SOX5: variants seen among roughly 807,000 people sequenced by gnomAD.
The protein encoded by SOX5 is SRY-box transcription factor 5.
SOX5 carries 9 observed loss-of-function variants against 92.0 expected under a neutral mutation model. The ratio of observed to expected loss-of-function variants is 0.10; its 90% CI spans 0.06 to 0.17. The LOEUF is 0.17. Among genes scored for constraint, SOX5 ranks in the 10% least tolerant of loss-of-function variants. The pLI, the probability that SOX5 is intolerant of heterozygous loss-of-function variation, is 1.00. For synonymous variants in SOX5, 344 were observed against 336.3 expected, an observed-to-expected ratio of 1.02 and a Z score of -0.25; for missense variants, 642 against 944.5, an observed-to-expected ratio of 0.68 and a Z score of 4.20.
At chr12:23,651,384 A>C (rs1223033749) in intron 7 of SOX5, among the ~76,000 whole-genome samples, 1 of 152,060 alleles carries the variant, frequency 6.6e-6, no homozygotes, top group Non-Finnish European at 1.5e-5. Flanking sequence ...TAATAAGGAA[A>C]ACATTATTGC....
chr12:24,093,867 C>G (rs1056530797), intron 4 of SOX5, among the ~76,000 whole-genome samples: 2 of 152,128 alleles, frequency 1.3e-5, no homozygotes, highest in African/African-American at 4.8e-5. Context: ...TCTTGCTGCT[C>G]TTCACATTCA....
At chr12:24,311,368 C>A (rs1041454037) in intron 2 of SOX5, among the ~76,000 whole-genome samples, 1 of 152,012 alleles carries the variant, frequency 6.6e-6, no homozygotes, top group African/African-American at 2.4e-5. Context: ...TTATGTTTTT[C>A]TTTCATTAAT....
chr12:23,674,672 T>C (rs1282406019), intron 6 of SOX5, among the ~76,000 whole-genome samples: 1 of 152,106 alleles, frequency 6.6e-6, no homozygotes, highest in Non-Finnish European at 1.5e-5. Context: ...AAAATTCTAT[T>C]ATGTCTTAAG....
intron 1 of SOX5, among the ~76,000 whole-genome samples, chr12:24,375,163 C>T (rs1164357250): frequency 6.6e-6 from 1 of 151,444 alleles, no homozygotes; most frequent in African/African-American, 2.4e-5. Flanking sequence ...TTAGTAGAGA[C>T]GGGGTTTCAC....
rs1186871008 is a variant in SOX5 at position 23,895,835 on chromosome 12, C to A, written c.228G>T (p.Glu76Asp). 17 of 1,613,990 alleles carry A rather than the reference C, an allele frequency of 1.1e-5. No homozygotes were observed. Among genetic ancestry groups the A allele is most frequent in the Non-Finnish European group, 1.4e-5 (16 of 1,179,982 alleles). Reference sequence around the variant, plus strand: ...AAGTGGGAGTCCTATGGCCACAAGTCTCTTGCGTCAGCAGAGAAACTGGCT... The same window carrying A: ...AAGTGGGAGTCCTATGGCCACAAGTATCTTGCGTCAGCAGAGAAACTGGCT... ...EFQPVSLLTQ[E>D]TCGHRTPTSQ... The change falls in exon 2 of 15, where the codon GAG becomes GAT. Residue 76 changes from glutamate to aspartate, a missense_variant. Transcript: ENST00000451604.
intron 4 of SOX5, among the ~76,000 whole-genome samples, chr12:24,197,981 G>A (rs1210938565): frequency 6.6e-6 from 1 of 152,120 alleles, no homozygotes; most frequent in Non-Finnish European, 1.5e-5. Flanking sequence ...GTAAAATGAG[G>A]ATAATAGTGA....
At chr12:24,111,685 A>T (rs1170851285) in intron 4 of SOX5, among the ~76,000 whole-genome samples, 1 of 152,078 alleles carries the variant, frequency 6.6e-6, no homozygotes, top group African/African-American at 2.4e-5. Flanking sequence ...TTAAAAAAAG[A>T]TTTTTCGTCA....
chr12:23,761,912 A>C (rs2094572707), intron 3 of SOX5, among the ~76,000 whole-genome samples: 1 of 152,134 alleles, frequency 6.6e-6, no homozygotes, highest in Non-Finnish European at 1.5e-5. Context: ...TAGTGCATTT[A>C]TTTAACCGAA....
At chr12:24,226,104 G>A (rs954727912) in intron 3 of SOX5, among the ~76,000 whole-genome samples, 8 of 152,024 alleles carry the variant, frequency 5.3e-5, no homozygotes, top group African/African-American at 1.9e-4. Flanking sequence ...TTCCATCCAA[G>A]TTAATATCTA....
At chr12:24,488,506 A>G (rs1468158807) in intron 1 of SOX5, among the ~76,000 whole-genome samples, 1 of 152,136 alleles carries the variant, frequency 6.6e-6, no homozygotes, top group Non-Finnish European at 1.5e-5. Context: ...AGATTGCTCA[A>G]ACCCAGGAGT....
chr12:23,704,153 T>C (rs748929077), intron 6 of SOX5, among the ~76,000 whole-genome samples: 2 of 151,980 alleles, frequency 1.3e-5, no homozygotes, highest in African/African-American at 2.4e-5. Flanking sequence ...CTCCAATGAC[T>C]CCTCCCCATC....
chr12:24,179,412 C>G (rs557064337), intron 4 of SOX5, among the ~76,000 whole-genome samples: 1 of 152,142 alleles, frequency 6.6e-6, no homozygotes, highest in Non-Finnish European at 1.5e-5. Context: ...GATCTTTTCC[C>G]AGGCTATCAA....
intron 2 of SOX5, among the ~76,000 whole-genome samples, chr12:24,305,152 T>C (rs954601008): frequency 6.6e-6 from 1 of 152,206 alleles, no homozygotes; most frequent in Non-Finnish European, 1.5e-5. Flanking sequence ...ATTATGCTAT[T>C]ATAGGATAAT....
intron 1 of SOX5, among the ~76,000 whole-genome samples, chr12:24,528,301 A>AT (rs977603720): frequency 2.1e-4 from 32 of 151,758 alleles, no homozygotes; most frequent in Middle Eastern, 3.5e-3. Context: ...ATAAACAGGA[A>AT]TTTTTTTTTC....
chr12:23,725,965 G>A (rs2093088184), intron 6 of SOX5, among the ~76,000 whole-genome samples: 1 of 152,116 alleles, frequency 6.6e-6, no homozygotes, highest in African/African-American at 2.4e-5. Context: ...AGCTATCCCA[G>A]TTTTCCCTTT....
At chr12:24,146,953 C>G (rs1951153291) in intron 4 of SOX5, among the ~76,000 whole-genome samples, 1 of 151,990 alleles carries the variant, frequency 6.6e-6, no homozygotes. Context: ...ACACAAATAG[C>G]TTCATGTCTA....
At chr12:23,572,736 T>C (rs1384653071) in intron 10 of SOX5, among the ~76,000 whole-genome samples, 1 of 152,236 alleles carries the variant, frequency 6.6e-6, no homozygotes, top group East Asian at 1.9e-4. Flanking sequence ...AAAATATTTT[T>C]TCTTTTACAT....
chr12:24,400,158 T>C (rs151202506), intron 1 of SOX5, among the ~76,000 whole-genome samples: 1 of 152,348 alleles, frequency 6.6e-6, no homozygotes, highest in East Asian at 1.9e-4. Flanking sequence ...TCATTAAGAC[T>C]TTAGAGGAAA....
intron 2 of SOX5, among the ~76,000 whole-genome samples, chr12:24,325,556 T>A (rs896213641): frequency 6.6e-6 from 1 of 152,016 alleles, no homozygotes; most frequent in Non-Finnish European, 1.5e-5. Context: ...TTCCCCTCAA[T>A]GAAGAACCGA....
Sources: allele counts gnomAD v4.1 joint callset (sites outside exome capture counted in the v4.1 genomes callset), GRCh38; gene constraint gnomAD v4.1.1; transcripts MANE v1.5; gene names NCBI Gene and HGNC (gene_info 2026-07-23, HGNC 2026-07-21).